LCOR: variants seen among roughly 807,000 people sequenced by gnomAD.
The protein encoded by LCOR is ligand-dependent corepressor.
A neutral mutation model predicts 64.4 loss-of-function variants in LCOR; 14 were observed. The ratio of observed to expected loss-of-function variants is 0.22; its 90% CI spans 0.14 to 0.34. LCOR has a LOEUF of 0.34. LCOR is among the 10% of genes least tolerant of loss of function. The pLI is 1.00. For missense variants in LCOR, 1,686 were observed against 1,765.3 expected (o/e 0.96, Z 0.80); for synonymous variants, 643 against 642.5 (o/e 1.00, Z -0.01).
chr10:96,875,548 C>A (rs1846149838), intron 2 of LCOR, among the ~76,000 whole-genome samples: 1 of 152,060 alleles, frequency 6.6e-6, no homozygotes, highest in African/African-American at 2.4e-5. Flanking sequence ...ATTACCACTG[C>A]CTTCTTCAAA....
chr10:96,844,484 C>T (rs1287957527), intron 2 of LCOR, among the ~76,000 whole-genome samples: 1 of 151,998 alleles, frequency 6.6e-6, no homozygotes, highest in Non-Finnish European at 1.5e-5. Flanking sequence ...ATTTTGGTTT[C>T]TCTACCCATA....
chr10:96,960,966 C>G (rs939232260), intron 7 of LCOR: 1 of 151,998 alleles, frequency 6.6e-6, no homozygotes, highest in East Asian at 1.9e-4. Flanking sequence ...TTGCAGTCAC[C>G]TTTTAAAGAA....
Position 96,991,654 on chromosome 10 carries a change from T to C in LCOR, c.*6520T>C, listed in dbSNP as rs117378452. The stretch of plus-strand genomic sequence containing the variant: ...TGCCTGGTGTTTGCCTGTTTGACTT[T>C]CGAGTGCAGACCACACATTCTCTTA... On this transcript the variant is annotated 3_prime_UTR_variant, in exon 8 of 8. Coordinates refer to ENST00000421806, the MANE Select transcript of LCOR (RefSeq NM_001346516.2). The C allele has an allele frequency of 2.0e-5, 3 of 152,230 alleles. No homozygotes were observed. Among genetic ancestry groups the C allele is most frequent in the Non-Finnish European group, 4.4e-5 (3 of 68,042 alleles). The allele number at this position is 152,230 out of a possible 1,614,324, so 9.4% of individuals were successfully genotyped here. A position where few individuals can be genotyped will look rare whatever the true frequency, so the allele number is the denominator to read the frequency against.
At chr10:96,875,377 A>G (rs1044714438) in intron 2 of LCOR, among the ~76,000 whole-genome samples, 1 of 148,246 alleles carries the variant, frequency 6.7e-6, no homozygotes, top group African/African-American at 2.5e-5. Flanking sequence ...TGTCTCAAAT[A>G]AAAAAAAAAA....
intron 7 of LCOR, chr10:96,957,531 G>C: frequency 1.0e-6 from 1 of 985,340 alleles, no homozygotes; most frequent in Non-Finnish European, 1.2e-6. Flanking sequence ...AAGGTGGTCA[G>C]GCCCTTCTAA....
rs1164560777 is a variant in LCOR, at chr10:96,991,741, C to T, written c.*6607C>T. 6.6e-6 allele frequency: 1 copy of T among 152,186 alleles called. No homozygotes were observed. Among genetic ancestry groups the T allele is most frequent in the Non-Finnish European group, 1.5e-5 (1 of 68,028 alleles). The allele number at this position is 152,186 out of a possible 1,614,324, so 9.4% of individuals were successfully genotyped here. A position where few individuals can be genotyped will look rare whatever the true frequency, so the allele number is the denominator to read the frequency against. On this transcript the variant is annotated 3_prime_UTR_variant, in exon 8 of 8. Coordinates refer to ENST00000421806, the MANE Select transcript of LCOR (RefSeq NM_001346516.2). ...CCGGCAGCTTTAGACAGAACAAGTTCAGGGCTCTCCAGCCCAGCCCGAGTC... is the reference window on the plus strand; with the variant it reads ...CCGGCAGCTTTAGACAGAACAAGTTTAGGGCTCTCCAGCCCAGCCCGAGTC...
In LCOR at chr10:96,849,097, G is replaced by A. The variant is rs12358177; in HGVS notation, c.-330+15618G>A. Among the ~76,000 whole-genome samples, 324 of 117,156 alleles carry A rather than the reference G, an allele frequency of 2.8e-3. 2 individuals are homozygous for A. Among genetic ancestry groups the A allele is most frequent in the Middle Eastern group, 6.8e-3 (1 of 148 alleles). 76.9% of individuals were successfully genotyped at this position (117,156 alleles called of 152,430 possible). A position where few individuals can be genotyped will look rare whatever the true frequency, so the allele number is the denominator to read the frequency against. Reference sequence around the variant, plus strand: ...TTTTTTTTTTTTTTTTTTTTGAGACGGAGTCTCCCTCTATAGCCGAGGCTG... The same window carrying A: ...TTTTTTTTTTTTTTTTTTTTGAGACAGAGTCTCCCTCTATAGCCGAGGCTG... On this transcript the variant is annotated intron_variant, in intron 2 of 7. Transcript: ENST00000421806.
chr10:96,951,650 A>AAT (rs1847682737), intron 6 of LCOR, among the ~76,000 whole-genome samples: 1 of 152,056 alleles, frequency 6.6e-6, no homozygotes, highest in Admixed American at 6.6e-5. Context: ...TTCTATATCG[A>AAT]ATTTGTATGT....
chr10:96,950,983 T>C (rs942808928), intron 6 of LCOR, among the ~76,000 whole-genome samples: 13 of 152,160 alleles, frequency 8.5e-5, no homozygotes, highest in Admixed American at 7.2e-4. Flanking sequence ...CTCTTTCTTA[T>C]GAGTGTGGGG....
At chr10:96,967,272 T>C (rs1009638543) in intron 7 of LCOR, among the ~76,000 whole-genome samples, 12 of 152,134 alleles carry the variant, frequency 7.9e-5, no homozygotes, top group South Asian at 2.1e-4. Context: ...GCTGGGATTA[T>C]AGGTGTGTGC....
intron 2 of LCOR, among the ~76,000 whole-genome samples, chr10:96,877,992 G>A (rs1338520765): frequency 6.6e-6 from 1 of 152,162 alleles, no homozygotes; most frequent in Non-Finnish European, 1.5e-5. Flanking sequence ...ATAGTTAACA[G>A]TGGAAAGCTT....
chr10:96,877,508 A>C (rs550336988), intron 2 of LCOR, among the ~76,000 whole-genome samples: 1 of 151,090 alleles, frequency 6.6e-6, no homozygotes, highest in African/African-American at 2.4e-5. Context: ...TGGGTGAGTG[A>C]GTGAGATCCT....
At chr10:96,878,389 G>A (rs1299319817) in intron 2 of LCOR, among the ~76,000 whole-genome samples, 1 of 152,196 alleles carries the variant, frequency 6.6e-6, no homozygotes, top group Non-Finnish European at 1.5e-5. Context: ...GGACAGAAGT[G>A]ATTAGGACTG....
chr10:96,943,379 G>A (rs186801161), intron 4 of LCOR, among the ~76,000 whole-genome samples: 13 of 152,344 alleles, frequency 8.5e-5, no homozygotes, highest in Admixed American at 8.5e-4. Flanking sequence ...TTACAGGCAT[G>A]AGCCACCTCG....
intron 4 of LCOR, chr10:96,915,990 C>G (rs1221456098): frequency 4.4e-6 from 1 of 226,362 alleles, no homozygotes; most frequent in Admixed American, 5.0e-5. Flanking sequence ...ATTCTCACCT[C>G]TTCTTCACAC....
At position 96,985,130 on chromosome 10, in the gene LCOR, A is replaced by C; in HGVS notation, c.4670A>C (p.Lys1557Thr). 2 of 1,589,266 alleles carry C rather than the reference A, an allele frequency of 1.3e-6. No individual in the cohort carries two copies. Among genetic ancestry groups the C allele is most frequent in the Non-Finnish European group, 1.7e-6 (2 of 1,171,272 alleles). The change falls in exon 8 of 8, where the codon AAG becomes ACG. Residue 1557 changes from lysine (K) to threonine (T), a missense_variant. Transcript: ENST00000421806. ...AGCAAACGGAGGCGGCTGGATGCAA[A>C]GTGATTGGAAAGATGGTAGCCAAGA... ...SHSKRRRLDA[K>T]
intron 2 of LCOR, among the ~76,000 whole-genome samples, chr10:96,887,559 T>A (rs1476670255): frequency 2.7e-5 from 4 of 148,906 alleles, no homozygotes; most frequent in African/African-American, 9.9e-5. Flanking sequence ...TGAGACTCCG[T>A]CTCAAAAAAA....
chr10:96,883,285 G>A (rs1478056601), intron 2 of LCOR, among the ~76,000 whole-genome samples: 3 of 152,054 alleles, frequency 2.0e-5, no homozygotes, highest in South Asian at 2.1e-4. Flanking sequence ...TGCCTGCCTC[G>A]GCCTCCCAAA....
At chr10:96,853,351 G>A (rs1214067388) in intron 2 of LCOR, among the ~76,000 whole-genome samples, 2 of 152,110 alleles carry the variant, frequency 1.3e-5, no homozygotes, top group Non-Finnish European at 2.9e-5. Flanking sequence ...CCAGCCTGTT[G>A]TCACCTTTTA....
Sources: gnomAD v4.1 joint callset for allele counts (sites outside exome capture counted in the v4.1 genomes callset) on GRCh38, gnomAD v4.1.1 for gene constraint, MANE v1.5 for transcripts, NCBI Gene and HGNC (gene_info 2026-07-23, HGNC 2026-07-21) for gene names.